Variants in ZBED6 observed in about 807,000 individuals in gnomAD.
The protein encoded by ZBED6 is zinc finger BED domain-containing protein 6.
In ZBED6, 40 loss-of-function variants were observed where a neutral mutation model predicts 58.4. That is an observed-to-expected ratio of 0.68 (90% CI 0.53 to 0.89). The LOEUF (loss-of-function observed/expected upper bound fraction) is 0.89, where lower values mean the gene tolerates loss of function less well. Among genes scored for constraint, ZBED6 ranks in the 40% least tolerant of loss-of-function variants. The pLI, the probability that ZBED6 is intolerant of heterozygous loss-of-function variation, is 0.00. For missense variants in ZBED6, 1,057 were observed against 1,003.9 expected (o/e 1.05, Z -0.71); for synonymous variants, 439 against 350.6 (o/e 1.25, Z -2.82).
rs763615124 is a variant in ZBED6, at chr1:203,835,857, C to T, written c.*3573+2004C>T. ...AAAAGCTATGTGCTCCCTTTTTTTC[C>T]GGAGACCCCACTTATAGCCAGCAAA... On this transcript the variant is annotated intron_variant, in intron 9 of 16. Transcript: ENST00000550078. The T allele has an allele frequency of 4.2e-4, 101 of 240,630 alleles. 1 individual carries two copies. The highest frequency in any genetic ancestry group is 8.0e-4 in the Admixed American group (18 of 22,620). 14.9% of individuals were successfully genotyped at this position (240,630 alleles called of 1,614,324 possible).
chr1:203,795,626 G>A (rs1347796106), upstream of ZBED6: 1 of 152,260 alleles, frequency 6.6e-6, no homozygotes, highest in Non-Finnish European at 1.5e-5. Context: ...GGGCCTTAGA[G>A]CGGAGCCTGT....
intron 3 of ZBED6, among the ~76,000 whole-genome samples, chr1:203,821,860 C>T (rs909791175): frequency 6.6e-6 from 1 of 151,970 alleles, no homozygotes; most frequent in African/African-American, 2.4e-5. Context: ...TTGGTTCACA[C>T]CATTCTCCTG....
chr1:203,797,696 G>A, exon 1 of ZBED6: 4 of 1,535,376 alleles, frequency 2.6e-6, no homozygotes, highest in Non-Finnish European at 2.6e-6. Context: ...AGGCAAAACA[G>A]CCTGCTAAAA....
At chr1:203,843,996 T>C (rs1687192785) in intron 11 of ZBED6, among the ~76,000 whole-genome samples, 1 of 151,798 alleles carries the variant, frequency 6.6e-6, no homozygotes, top group African/African-American at 2.4e-5. Flanking sequence ...TAGCTGGGAT[T>C]ACAGGCATGC....
exon 1 of ZBED6, chr1:203,802,734 T>C (rs946772760): frequency 1.4e-5 from 2 of 147,976 alleles, no homozygotes; most frequent in Non-Finnish European, 3.1e-5. Context: ...GTTTTTTTTT[T>C]GTTTTGTTTT....
chr1:203,850,038 T>C lies in ZBED6; in HGVS notation c.*4638+12T>C, dbSNP rs376496798. The stretch of plus-strand genomic sequence containing the variant: ...AAAAAGGGGTAAAGGCAAGTATTTC[T>C]ATACTGTGTATTGCTTTAGGTTATC... On this transcript the variant is annotated intron_variant, in intron 14 of 16. Transcript: ENST00000550078. 3.8e-5 allele frequency: 61 copies of C among 1,613,344 alleles called. No individual in the cohort carries two copies. The highest frequency in any genetic ancestry group is 5.0e-5 in the Non-Finnish European group (59 of 1,179,754).
chr1:203,853,801 C>G (rs1689699743), exon 17 of ZBED6: 1 of 152,650 alleles, frequency 6.6e-6, no homozygotes, highest in Admixed American at 6.5e-5. Flanking sequence ...GCAAAAATGA[C>G]TGAAGTTTAT....
At chr1:203,796,538 C>T (rs1241732777) in exon 1 of ZBED6, 3 of 398,748 alleles carry the variant, frequency 7.5e-6, no homozygotes, top group Non-Finnish European at 1.3e-5. Flanking sequence ...TTGACATCTT[C>T]CAGGCCTTGG....
rs181849073 is a variant in ZBED6, at chr1:203,811,789, G to A, written c.*2555-5137G>A. ...AAACTTTTTCCTTTGTTGCATATAT[G>A]TCTGAAAAGTATTCAGATAGCTTTG... On this transcript the variant is annotated intron_variant, in intron 1 of 16. Transcript: ENST00000550078. Among the ~76,000 whole-genome samples, 12 of 149,388 alleles carry A rather than the reference G, an allele frequency of 8.0e-5. No individual in the cohort carries two copies. The East Asian group carries it at 2.0e-3, about 25-fold the overall frequency.
chr1:203,836,551 C>T (rs996745477), intron 9 of ZBED6, among the ~76,000 whole-genome samples: 2 of 152,116 alleles, frequency 1.3e-5, no homozygotes, highest in East Asian at 1.9e-4. Flanking sequence ...AGTTCGAGAC[C>T]GGCCTGATCA....
At chr1:203,852,209 C>T in exon 17 of ZBED6, 1 of 1,613,548 alleles carries the variant, frequency 6.2e-7, no homozygotes, top group Non-Finnish European at 8.5e-7. Flanking sequence ...CCTTCCTCAT[C>T]CCAAATGAGC....
chr1:203,831,705 G>T, exon 8 of ZBED6: 1 of 1,613,206 alleles, frequency 6.2e-7, no homozygotes, highest in Non-Finnish European at 8.5e-7. Flanking sequence ...CCCTGAGCCC[G>T]TTCCAGGTCC....
chr1:203,844,882 T>C (rs1687466754), intron 11 of ZBED6, among the ~76,000 whole-genome samples: 3 of 152,066 alleles, frequency 2.0e-5, no homozygotes, highest in Admixed American at 1.3e-4. Context: ...ATTTTCATGC[T>C]CTACTTCTCT....
At chr1:203,803,725 C>G (rs940932296) in intron 1 of ZBED6, among the ~76,000 whole-genome samples, 1 of 152,122 alleles carries the variant, frequency 6.6e-6, no homozygotes, top group Non-Finnish European at 1.5e-5. Flanking sequence ...ATTGCCGAAG[C>G]CTCCTGAGTA....
intron 1 of ZBED6, chr1:203,805,914 G>C: frequency 1.5e-6 from 1 of 677,930 alleles, no homozygotes; most frequent in South Asian, 1.4e-5. Flanking sequence ...TCACTTGCTT[G>C]TCTACCTTCA....
intron 11 of ZBED6, among the ~76,000 whole-genome samples, chr1:203,841,621 G>A (rs1249418496): frequency 6.6e-6 from 1 of 152,098 alleles, no homozygotes; most frequent in Admixed American, 6.5e-5. Flanking sequence ...TTTTCTATTC[G>A]ACAAAACCGC....
intron 1 of ZBED6, among the ~76,000 whole-genome samples, chr1:203,810,495 C>T (rs1236785314): frequency 1.3e-5 from 2 of 150,566 alleles, no homozygotes; most frequent in Non-Finnish European, 2.9e-5. Flanking sequence ...TCTCAGCTCA[C>T]TGCAACCTGC....
chr1:203,798,107 AGAG>A (rs773384006), exon 1 of ZBED6: 216 of 1,536,022 alleles, frequency 1.4e-4, no homozygotes, highest in Non-Finnish European at 1.8e-4. Flanking sequence ...TTGCTAGTGG[AGAG>A]GAGGACTTTA....
intron 1 of ZBED6, among the ~76,000 whole-genome samples, chr1:203,804,747 A>C (rs1260303533): frequency 4.1e-5 from 6 of 145,282 alleles, no homozygotes; most frequent in East Asian, 2.0e-4. Context: ...GTCTTGGCTC[A>C]TTGCAACCTC....
Sources: allele counts gnomAD v4.1 joint callset (sites outside exome capture counted in the v4.1 genomes callset), GRCh38; gene constraint gnomAD v4.1.1; transcripts MANE v1.5; gene names NCBI Gene and HGNC (gene_info 2026-07-23, HGNC 2026-07-21).